Variants in VASH2 observed in about 807,000 individuals in gnomAD.
The protein encoded by VASH2 is tubulinyl-Tyr carboxypeptidase 2.
Under a neutral mutation model 37.2 loss-of-function variants are expected in VASH2, and 28 were observed. The observed-to-expected ratio is 0.75, with a 90% CI of 0.56 to 1.03. The LOEUF (loss-of-function observed/expected upper bound fraction) is 1.03, where lower values mean the gene tolerates loss of function less well. Among genes scored for constraint, VASH2 ranks in the 50% least tolerant of loss-of-function variants. The pLI is 0.00. For synonymous variants in VASH2, 188 were observed against 174.7 expected, an observed-to-expected ratio of 1.08 and a Z score of -0.60; for missense variants, 419 against 459.1, an observed-to-expected ratio of 0.91 and a Z score of 0.80.
chr1:212,976,581 T>C (rs1409868862), intron 7 of VASH2, among the ~76,000 whole-genome samples: 4 of 118,612 alleles, frequency 3.4e-5, no homozygotes, highest in Admixed American at 3.3e-4. Context: ...AAAAAAAAAA[T>C]GGTGACGACA....
At chr1:212,967,298 G>T in intron 5 of VASH2, 1 of 1,255,200 alleles carries the variant, frequency 8.0e-7, no homozygotes, top group East Asian at 5.7e-5. Flanking sequence ...ATACATTCGA[G>T]CATCATGCCA....
chr1:212,966,943 G>T, intron 5 of VASH2: 1 of 434,216 alleles, frequency 2.3e-6, no homozygotes, highest in Non-Finnish European at 4.4e-6. Flanking sequence ...GTTTCACCAT[G>T]TTTCACCAGC....
chr1:212,970,558 T>A (rs558741755), intron 5 of VASH2, among the ~76,000 whole-genome samples: 3 of 152,264 alleles, frequency 2.0e-5, no homozygotes, highest in African/African-American at 7.2e-5. Context: ...AGTGCACAGT[T>A]CAGTGACATT....
At position 212,972,727 on chromosome 1, in the gene VASH2, G is replaced by C. The variant is rs773422319; in HGVS notation, c.645G>C (p.Leu215=). Reference sequence around the variant, plus strand: ...TGGGCATGAGCCGCAGGGCTGAGCTGATGGACAAGCCATTGACTTTTCGGA... The same window carrying C: ...TGGGCATGAGCCGCAGGGCTGAGCTCATGGACAAGCCATTGACTTTTCGGA... The part of the protein sequence containing the change: ...GSLGMSRRAE[L]MDKPLTFRTL... Residue 215 remains leucine (L), a synonymous_variant, in exon 6 of 8, where the codon CTG becomes CTC. Coordinates refer to ENST00000517399, the MANE Select transcript of VASH2 (RefSeq NM_001301056.2). 1 of 1,614,244 alleles carries C rather than the reference G, an allele frequency of 6.2e-7. No individual in the cohort carries two copies. Among genetic ancestry groups the C allele is most frequent in the Non-Finnish European group, 8.5e-7 (1 of 1,180,054 alleles).
intron 2 of VASH2, among the ~76,000 whole-genome samples, chr1:212,954,869 C>T (rs1251822457): frequency 6.6e-6 from 1 of 152,218 alleles, no homozygotes; most frequent in Non-Finnish European, 1.5e-5. Flanking sequence ...TAACATTTCT[C>T]TCACATTGCA....
intron 7 of VASH2, among the ~76,000 whole-genome samples, chr1:212,977,269 G>A (rs1052144427): frequency 6.6e-6 from 1 of 152,278 alleles, no homozygotes; most frequent in African/African-American, 2.4e-5. Context: ...ACCAGCTTGC[G>A]GCTTTGAGCA....
intron 2 of VASH2, among the ~76,000 whole-genome samples, chr1:212,959,031 C>T (rs999952643): frequency 1.3e-5 from 2 of 152,210 alleles, no homozygotes; most frequent in East Asian, 1.9e-4. Flanking sequence ...GCCCGACCTG[C>T]GTATGTCTTA....
intron 3 of VASH2, among the ~76,000 whole-genome samples, chr1:212,963,552 G>T (rs1666744449): frequency 7.2e-6 from 1 of 138,714 alleles, no homozygotes; most frequent in African/African-American, 2.9e-5. Context: ...GACATCCTCG[G>T]CAGCAACCAA....
chr1:212,968,171 G>T, intron 5 of VASH2: 1 of 980,408 alleles, frequency 1.0e-6, no homozygotes, highest in Non-Finnish European at 1.2e-6. Flanking sequence ...GCAATGTGGA[G>T]CTCACAGGGG....
chr1:212,979,088 A>G (rs1333757414), intron 7 of VASH2, among the ~76,000 whole-genome samples: 2 of 152,150 alleles, frequency 1.3e-5, no homozygotes, highest in Non-Finnish European at 2.9e-5. Context: ...GAGAGGCCAC[A>G]AGCACTGGAG....
At chr1:212,958,433 T>C (rs1666562588) in intron 2 of VASH2, among the ~76,000 whole-genome samples, 1 of 152,220 alleles carries the variant, frequency 6.6e-6, no homozygotes, top group South Asian at 2.1e-4. Flanking sequence ...TTAAAAGCCC[T>C]TGGGCGCCAT....
Position 212,972,672 on chromosome 1 carries a change from G to A in VASH2, c.590G>A (p.Gly197Glu), listed in dbSNP as rs777239628. 2 of 1,614,088 alleles carry A rather than the reference G, an allele frequency of 1.2e-6. No individual in the cohort carries two copies. Among genetic ancestry groups the A allele is most frequent in the Non-Finnish European group, 1.7e-6 (2 of 1,180,054 alleles). The change falls in exon 6 of 8, where the codon GGG (glycine) becomes GAG (glutamate). Residue 197 changes from glycine (G) to glutamate (E), a missense_variant. By Grantham distance (98) the Gly-to-Glu change is moderately conservative. Around this residue, in one of 3 missense-constraint regions of VASH2, gnomAD observed 84 missense variants for 129.9 expected, o/e 0.65. Coordinates refer to ENST00000517399, the MANE Select transcript of VASH2 (RefSeq NM_001301056.2). ...AACTACTTTCACCACGTTGTGCTGG[G>A]GATTTACTGCAATGGCCGCTATGGC... ...SGNYFHHVVL[G>E]IYCNGRYGSL... is the part of the protein sequence containing the mutation.
At position 212,951,462 on chromosome 1, in the gene VASH2, C is replaced by T. The variant is rs1330552101; in HGVS notation, c.-81C>T. ...GGGGCGCTGATCCCCTCGCCGCGCC[C>T]GCGCGCACACGCCCCCCGCCGCCGC... On this transcript the variant is annotated 5_prime_UTR_variant, in exon 2 of 8. Transcript: ENST00000517399. The surrounding 1 kb of genome is among the most constrained non-coding windows in gnomAD (Gnocchi z 4.4). The T allele has an allele frequency of 2.3e-6, 2 of 879,476 alleles. No individual in the cohort carries two copies. The highest frequency in any genetic ancestry group is 2.8e-6 in the Non-Finnish European group (2 of 717,478). 54.5% of individuals were successfully genotyped at this position (879,476 alleles called of 1,614,324 possible).
chr1:212,957,073 T>C (rs1666519763), intron 2 of VASH2, among the ~76,000 whole-genome samples: 1 of 152,224 alleles, frequency 6.6e-6, no homozygotes, highest in South Asian at 2.1e-4. Context: ...ACTTTGTGTC[T>C]CTATGACTTT....
chr1:212,961,690 C>T (rs941078988), intron 3 of VASH2, among the ~76,000 whole-genome samples: 3 of 152,218 alleles, frequency 2.0e-5, no homozygotes, highest in Non-Finnish European at 4.4e-5. Context: ...GAAACCTCCA[C>T]CTCCTGGGTG....
At chr1:212,977,675 A>G (rs2102651788) in intron 7 of VASH2, among the ~76,000 whole-genome samples, 1 of 152,304 alleles carries the variant, frequency 6.6e-6, no homozygotes, top group East Asian at 1.9e-4. Context: ...GAAAGGGCCC[A>G]GCTGAGGACA....
intron 7 of VASH2, 82 bp downstream of exon 7, chr1:212,974,152 T>A: frequency 2.1e-6 from 3 of 1,449,398 alleles, no homozygotes; most frequent in Non-Finnish European, 1.8e-6. Flanking sequence ...GACAAAGCTG[T>A]GTCTTGGGCA....
chr1:212,973,572 AG>A, intron 6 of VASH2: 1 of 1,268,370 alleles, frequency 7.9e-7, no homozygotes, highest in South Asian at 1.3e-5. Context: ...GTGGGATGGG[AG>A]CATCAGAGGA....
chr1:212,957,228 G>A (rs1248230317), intron 2 of VASH2, among the ~76,000 whole-genome samples: 2 of 152,206 alleles, frequency 1.3e-5, no homozygotes, highest in Non-Finnish European at 2.9e-5. Context: ...GCTGAATCGT[G>A]TTCCACTGTA....
Sources: allele counts gnomAD v4.1 joint callset (sites outside exome capture counted in the v4.1 genomes callset), GRCh38; gene constraint gnomAD v4.1.1; regional missense constraint gnomAD v4.1.1; non-coding constraint Gnocchi (gnomAD v3.1); transcripts MANE v1.5; gene names NCBI Gene and HGNC (gene_info 2026-07-23, HGNC 2026-07-21).